NUPR1: variants seen among roughly 807,000 people sequenced by gnomAD.
The protein encoded by NUPR1 is nuclear protein 1.
Under a neutral mutation model 7.3 loss-of-function variants are expected in NUPR1, and 8 were observed. The observed-to-expected ratio is 1.09, with a 90% CI of 0.64 to 1.97. The LOEUF (loss-of-function observed/expected upper bound fraction) is 1.97. Among genes scored for constraint, NUPR1 ranks in the 30% most tolerant of loss-of-function variants. The pLI, the probability that NUPR1 is intolerant of heterozygous loss-of-function variation, is 0.00. For synonymous variants in NUPR1, 39 were observed against 44.5 expected (o/e 0.88, Z 0.49); for missense variants, 96 against 111.7 (o/e 0.86, Z 0.63).
At position 28,535,224 on chromosome 16, in the gene NUPR1, C is replaced by T. The variant is rs1161549399; in HGVS notation, c.*2459G>A. On this transcript the variant is annotated 3_prime_UTR_variant, in exon 3 of 3. Transcript: ENST00000324873. Reference sequence around the variant, plus strand: ...AATATGAGCCCTGAGTGAGCTAGGGCAAATCCCTTAATATTTCCTTCCCTC... The same window carrying T: ...AATATGAGCCCTGAGTGAGCTAGGGTAAATCCCTTAATATTTCCTTCCCTC... 6.6e-6 allele frequency: 1 copy of T among 152,212 alleles called. No homozygotes were observed. Among genetic ancestry groups the T allele is most frequent in the Non-Finnish European group, 1.5e-5 (1 of 68,064 alleles). The allele number at this position is 152,212 out of a possible 1,614,324, so 9.4% of individuals were successfully genotyped here. A position where few individuals can be genotyped will look rare whatever the true frequency, so the allele number is the denominator to read the frequency against.
In NUPR1 at chr16:28,534,342, A is replaced by G. The variant is rs1184797004; in HGVS notation, c.*3341T>C. The G allele has an allele frequency of 2.0e-5, 3 of 152,136 alleles. No homozygotes were observed. The highest frequency in any genetic ancestry group is 2.9e-5 in the Non-Finnish European group (2 of 68,048). The allele number at this position is 152,136 out of a possible 1,614,324, so 9.4% of individuals were successfully genotyped here. A position where few individuals can be genotyped will look rare whatever the true frequency, so the allele number is the denominator to read the frequency against. ...GATGGATACAGGTCCCCAAGGGTTC[A>G]AGCTGGTCGTAGTCTGACGTGCATC... On this transcript the variant is annotated 3_prime_UTR_variant, in exon 3 of 3. Transcript: ENST00000324873.
rs1461569857 is a variant in NUPR1 at position 28,533,326 on chromosome 16, G to A, written c.*4357C>T. ...AGGCTTCCGTGTGATCCCAGAGGAG[G>A]GTCGGCCTGGGGTGGAGGTCAGGAG... On this transcript the variant is annotated 3_prime_UTR_variant, in exon 3 of 3. Coordinates refer to ENST00000324873, the MANE Select transcript of NUPR1 (RefSeq NM_012385.3). 3 of 152,254 alleles carry A rather than the reference G, an allele frequency of 2.0e-5. No homozygotes were observed. Among genetic ancestry groups the A allele is most frequent in the African/African-American group, 7.2e-5 (3 of 41,442 alleles). The allele number at this position is 152,254 out of a possible 1,614,324, so 9.4% of individuals were successfully genotyped here.
Position 28,537,109 on chromosome 16 carries a change from G to C in NUPR1, c.*574C>G, listed in dbSNP as rs1019749274. On this transcript the variant is annotated 3_prime_UTR_variant, in exon 3 of 3. Coordinates refer to ENST00000324873, the MANE Select transcript of NUPR1 (RefSeq NM_012385.3). ...TGGGCAGTATCGCAAAAAAGCAGAAGAAATTCCTTTCCACTACGTAGGAGC... is the reference window on the plus strand; with the variant it reads ...TGGGCAGTATCGCAAAAAAGCAGAACAAATTCCTTTCCACTACGTAGGAGC... 6.6e-6 allele frequency: 1 copy of C among 152,194 alleles called. No individual in the cohort carries two copies. Among genetic ancestry groups the C allele is most frequent in the Admixed American group, 6.6e-5 (1 of 15,256 alleles). 9.4% of individuals were successfully genotyped at this position (152,194 alleles called of 1,614,324 possible). A position where few individuals can be genotyped will look rare whatever the true frequency, so the allele number is the denominator to read the frequency against.
Position 28,534,177 on chromosome 16 carries a change from T to C in NUPR1, c.*3506A>G, listed in dbSNP as rs1045160451. Reference sequence around the variant, plus strand: ...TTCAGCAACCTTTAAATGTAGCAAGTTCCCCCTCCATAGTGGTATTCAAAC... The same window carrying C: ...TTCAGCAACCTTTAAATGTAGCAAGCTCCCCCTCCATAGTGGTATTCAAAC... On this transcript the variant is annotated 3_prime_UTR_variant, in exon 3 of 3. Coordinates refer to ENST00000324873, the MANE Select transcript of NUPR1 (RefSeq NM_012385.3). 3.9e-5 allele frequency: 6 copies of C among 152,088 alleles called. No homozygotes were observed. Among genetic ancestry groups the C allele is most frequent in the East Asian group, 1.9e-4 (1 of 5,194 alleles). The allele number at this position is 152,088 out of a possible 1,614,324, so 9.4% of individuals were successfully genotyped here. A position where few individuals can be genotyped will look rare whatever the true frequency, so the allele number is the denominator to read the frequency against.
In NUPR1 at chr16:28,535,564, C is replaced by CTTCCTTTCTTTCTTTCT. The variant is rs2046608986; in HGVS notation, c.*2118_*2119insAGAAAGAAAGAAAGGAA. ...CTTTCCTTCTTTCTTTCTTTCTTTC[C>CTTCCTTTCTTTCTTTCT]TTCCTTCCTTTCTTTCTTTCTTTCT... is the stretch of plus-strand genomic sequence containing the variant. On this transcript the variant is annotated 3_prime_UTR_variant, in exon 3 of 3. Transcript: ENST00000324873. 2 of 57,738 alleles carry CTTCCTTTCTTTCTTTCT rather than the reference C, an allele frequency of 3.5e-5. 1 individual carries two copies. Among genetic ancestry groups the CTTCCTTTCTTTCTTTCT allele is most frequent in the East Asian group, 1.2e-3 (2 of 1,646 alleles). 3.6% of individuals were successfully genotyped at this position (57,738 alleles called of 1,614,324 possible).
rs1491235596 is a variant in NUPR1 at position 28,535,572 on chromosome 16, C to CTTCTTTCTTTCTTTCTTTCTTTCT, written c.*2110_*2111insAGAAAGAAAGAAAGAAAGAAAGAA. ...CTTTCTTTCTTTCTTTCCTTCCTTCCTTTCTTTCTTTCTTTCTTTCTTTCT... is the reference window on the plus strand; with the variant it reads ...CTTTCTTTCTTTCTTTCCTTCCTTCCTTCTTTCTTTCTTTCTTTCTTTCTTTTCTTTCTTTCTTTCTTTCTTTCT... On this transcript the variant is annotated 3_prime_UTR_variant, in exon 3 of 3. Transcript: ENST00000324873. 1 of 8,854 alleles carries CTTCTTTCTTTCTTTCTTTCTTTCT rather than the reference C, an allele frequency of 1.1e-4. No homozygotes were observed. Among genetic ancestry groups the CTTCTTTCTTTCTTTCTTTCTTTCT allele is most frequent in the Non-Finnish European group, 7.2e-4 (1 of 1,398 alleles). 0.5% of individuals were successfully genotyped at this position (8,854 alleles called of 1,614,324 possible).
rs1405209594 is a variant in NUPR1, at chr16:28,534,952, G to A, written c.*2731C>T. 6.6e-6 allele frequency: 1 copy of A among 152,216 alleles called. No individual in the cohort carries two copies. The allele number at this position is 152,216 out of a possible 1,614,324, so 9.4% of individuals were successfully genotyped here. A position where few individuals can be genotyped will look rare whatever the true frequency, so the allele number is the denominator to read the frequency against. On this transcript the variant is annotated 3_prime_UTR_variant, in exon 3 of 3. Transcript: ENST00000324873. ...TGAACCCAGGAGGACTTGGGGCTAA[G>A]TAAGAGAGGAGTAACTTTGTATCCT...
In NUPR1 at chr16:28,538,150, C is replaced by T. The variant is rs149997819; in HGVS notation, c.118G>A (p.Gly40Arg). 8.9e-5 allele frequency: 143 copies of T among 1,614,226 alleles called. No individual in the cohort carries two copies. The African/African-American group carries it at 1.7e-3, about 19-fold the overall frequency. ...YSLAHSYLGG[G>R]GRKGRTKREA... ...CTCTTGGTGCGACCTTTCCGGCCTC[C>T]ACCTCCTGTAACCAAGGCAGGAGTC... The change falls in exon 2 of 3, where the codon GGA becomes AGA. Residue 40 changes from glycine (G) to arginine (R), a missense_variant. Coordinates refer to ENST00000324873, the MANE Select transcript of NUPR1 (RefSeq NM_012385.3).
chr16:28,538,783 G>A lies in NUPR1; in HGVS notation c.112+13C>T, dbSNP rs753333444. On this transcript the variant is annotated intron_variant, in intron 1 of 2. Transcript: ENST00000324873. ...AGGAGGAAGGACCGTGGAGATGGCT[G>A]AGTGGGCCTTACCGAGGTAGGAATG... The A allele has an allele frequency of 3.1e-6, 5 of 1,592,238 alleles. No homozygotes were observed. The highest frequency in any genetic ancestry group is 4.3e-6 in the Non-Finnish European group (5 of 1,162,916).
Position 28,535,539 on chromosome 16 carries a change from CT to C in NUPR1, c.*2143del, listed in dbSNP as rs1419825753. 9 of 72,316 alleles carry C rather than the reference CT, an allele frequency of 1.2e-4. No individual in the cohort carries two copies. Among genetic ancestry groups the C allele is most frequent in the African/African-American group, 2.7e-4 (6 of 21,928 alleles). The allele number at this position is 72,316 out of a possible 1,614,324, so 4.5% of individuals were successfully genotyped here. Reference sequence around the variant, plus strand: ...TCTTTCTTTCTTTCTTTCTTTCTTTCTTTCCTTCTTTCTTTCTTTCTTTCCT... The same window carrying C: ...TCTTTCTTTCTTTCTTTCTTTCTTTCTTCCTTCTTTCTTTCTTTCTTTCCT... On this transcript the variant is annotated 3_prime_UTR_variant, in exon 3 of 3. Transcript: ENST00000324873.
chr16:28,537,151 A>C lies in NUPR1; in HGVS notation c.*532T>G, dbSNP rs890671001. The C allele has an allele frequency of 6.6e-6, 1 of 152,248 alleles. No individual in the cohort carries two copies. The highest frequency in any genetic ancestry group is 1.5e-5 in the Non-Finnish European group (1 of 68,074). The allele number at this position is 152,248 out of a possible 1,614,324, so 9.4% of individuals were successfully genotyped here. A position where few individuals can be genotyped will look rare whatever the true frequency, so the allele number is the denominator to read the frequency against. On this transcript the variant is annotated 3_prime_UTR_variant, in exon 3 of 3. Coordinates refer to ENST00000324873, the MANE Select transcript of NUPR1 (RefSeq NM_012385.3). ...CGTAGGAGCCCACAGAAATGTATGC[A>C]CTAAAATATATGCAAGCAAAAGCAA...
At position 28,535,642 on chromosome 16, in the gene NUPR1, C is replaced by A. The variant is rs1241591550; in HGVS notation, c.*2041G>T. ...TTTCTTCTCTTTCTCTCTCTTTCTT[C>A]TTTTTCTCTCCTTTCTCTCTTTCTT... On this transcript the variant is annotated 3_prime_UTR_variant, in exon 3 of 3. Coordinates refer to ENST00000324873, the MANE Select transcript of NUPR1 (RefSeq NM_012385.3). 1 of 131,264 alleles carries A rather than the reference C, an allele frequency of 7.6e-6. No homozygotes were observed. The highest frequency in any genetic ancestry group is 1.6e-5 in the Non-Finnish European group (1 of 60,932). 8.1% of individuals were successfully genotyped at this position (131,264 alleles called of 1,614,324 possible).
chr16:28,537,777 ATCC>A, intron 2 of NUPR1, 108 bp from the exon 3 acceptor site: 1 of 494,734 alleles, frequency 2.0e-6, no homozygotes, highest in Non-Finnish European at 3.6e-6. Context: ...CACCCTCTCT[ATCC>A]TCAATTTCTG....
rs1555472558 is a variant in NUPR1 at position 28,535,575 on chromosome 16, T to TCTTTCTTTCCTTC, written c.*2107_*2108insGAAGGAAAGAAAG. 32 of 41,404 alleles carry TCTTTCTTTCCTTC rather than the reference T, an allele frequency of 7.7e-4. No individual in the cohort carries two copies. The highest frequency in any genetic ancestry group is 2.7e-3 in the African/African-American group (24 of 8,736). The allele number at this position is 41,404 out of a possible 1,614,324, so 2.6% of individuals were successfully genotyped here. Reference sequence around the variant, plus strand: ...TCTTTCTTTCTTTCCTTCCTTCCTTTCTTTCTTTCTTTCTTTCTTTCTTTC... The same window carrying TCTTTCTTTCCTTC: ...TCTTTCTTTCTTTCCTTCCTTCCTTTCTTTCTTTCCTTCCTTTCTTTCTTTCTTTCTTTCTTTC... On this transcript the variant is annotated 3_prime_UTR_variant, in exon 3 of 3. Coordinates refer to ENST00000324873, the MANE Select transcript of NUPR1 (RefSeq NM_012385.3).
At position 28,535,564 on chromosome 16, in the gene NUPR1, C is replaced by CTTTCTTTCTTTTCT. The variant is rs1237543681; in HGVS notation, c.*2118_*2119insAGAAAAGAAAGAAA. Reference sequence around the variant, plus strand: ...CTTTCCTTCTTTCTTTCTTTCTTTCCTTCCTTCCTTTCTTTCTTTCTTTCT... The same window carrying CTTTCTTTCTTTTCT: ...CTTTCCTTCTTTCTTTCTTTCTTTCCTTTCTTTCTTTTCTTTCCTTCCTTTCTTTCTTTCTTTCT... On this transcript the variant is annotated 3_prime_UTR_variant, in exon 3 of 3. Transcript: ENST00000324873. 3.5e-5 allele frequency: 2 copies of CTTTCTTTCTTTTCT among 57,738 alleles called. No individual in the cohort carries two copies. Among genetic ancestry groups the CTTTCTTTCTTTTCT allele is most frequent in the Non-Finnish European group, 7.3e-5 (2 of 27,578 alleles). 3.6% of individuals were successfully genotyped at this position (57,738 alleles called of 1,614,324 possible). A position where few individuals can be genotyped will look rare whatever the true frequency, so the allele number is the denominator to read the frequency against.
rs1555472555 is a variant in NUPR1, at chr16:28,535,571, C to CTTTCTTTCTTTCTTTCCTT, written c.*2111_*2112insAAGGAAAGAAAGAAAGAAA. 23 of 71,934 alleles carry CTTTCTTTCTTTCTTTCCTT rather than the reference C, an allele frequency of 3.2e-4. No individual in the cohort carries two copies. Among genetic ancestry groups the CTTTCTTTCTTTCTTTCCTT allele is most frequent in the East Asian group, 1.4e-3 (2 of 1,436 alleles). 4.5% of individuals were successfully genotyped at this position (71,934 alleles called of 1,614,324 possible). On this transcript the variant is annotated 3_prime_UTR_variant, in exon 3 of 3. Coordinates refer to ENST00000324873, the MANE Select transcript of NUPR1 (RefSeq NM_012385.3). ...TCTTTCTTTCTTTCTTTCCTTCCTT[C>CTTTCTTTCTTTCTTTCCTT]CTTTCTTTCTTTCTTTCTTTCTTTC...
At chr16:28,538,758 A>G (rs1297386646) in intron 1 of NUPR1, 38 bp downstream of exon 1, 1 of 1,472,582 alleles carries the variant, frequency 6.8e-7, no homozygotes, top group Non-Finnish European at 9.5e-7. Flanking sequence ...ATTTCGGGAG[A>G]GGAGGAAGGA....
intron 2 of NUPR1, 131 bp downstream of exon 2, chr16:28,537,873 CAT>C (rs1481790693): frequency 2.7e-6 from 2 of 742,298 alleles, no homozygotes; most frequent in Non-Finnish European, 2.2e-6. Flanking sequence ...CACAATCAAA[CAT>C]ATGTCTCGTT....
rs1445947086 is a variant in NUPR1, at chr16:28,538,786, T to C, written c.112+10A>G. 2.5e-6 allele frequency: 4 copies of C among 1,595,142 alleles called. No individual in the cohort carries two copies. The East Asian group carries it at 9.0e-5, about 36-fold the overall frequency. Reference sequence around the variant, plus strand: ...AGGAAGGACCGTGGAGATGGCTGAGTGGGCCTTACCGAGGTAGGAATGGGC... The same window carrying C: ...AGGAAGGACCGTGGAGATGGCTGAGCGGGCCTTACCGAGGTAGGAATGGGC... On this transcript the variant is annotated intron_variant, in intron 1 of 2. Coordinates refer to ENST00000324873, the MANE Select transcript of NUPR1 (RefSeq NM_012385.3).
Sources: allele counts gnomAD v4.1 joint callset, GRCh38; gene constraint gnomAD v4.1.1; transcripts MANE v1.5; gene names NCBI Gene and HGNC (gene_info 2026-07-23, HGNC 2026-07-21).